The following ARK2C variants were observed in gnomAD, a reference collection of about 807,000 sequenced individuals.
ARK2C encodes arkadia (RNF111) C-terminal like ring finger ubiquitin ligase 2C.
At chr18:46,360,474 A>G in the ARK2C span, among the ~76,000 whole-genome samples, 1 of 152,174 alleles carries the variant, frequency 6.6e-6, no homozygotes, top group Non-Finnish European at 1.5e-5. Context: ...TGGAATTCCA[A>G]ACACCTCATT....
chr18:46,429,399 T>C, the ARK2C span, among the ~76,000 whole-genome samples: 3 of 152,222 alleles, frequency 2.0e-5, no homozygotes, highest in Non-Finnish European at 4.4e-5. Flanking sequence ...TTAACTCTTC[T>C]TCAGGCATTT....
chr18:46,336,258 A>G, the ARK2C span: 23 of 985,218 alleles, frequency 2.3e-5, no homozygotes, highest in African/African-American at 3.8e-4. Context: ...AATCATTACC[A>G]TCCTCATTAA....
chr18:46,334,301 C>G, the ARK2C span: 2,345 of 1,583,126 alleles, frequency 1.5e-3, 13 homozygotes, highest in African/African-American at 9.0e-3. The surrounding 1 kb of genome is among the most constrained non-coding windows in gnomAD (Gnocchi z 4.4). Flanking sequence ...TCGGCTATCT[C>G]GTGCTTCCAG....
the ARK2C span, among the ~76,000 whole-genome samples, chr18:46,426,215 G>A: frequency 7.2e-5 from 11 of 152,052 alleles, no homozygotes; most frequent in Admixed American, 2.0e-4. Context: ...CCTTCTGCCC[G>A]TCCACATTTG....
At chr18:46,373,795 A>G in the ARK2C span, among the ~76,000 whole-genome samples, 10 of 152,192 alleles carry the variant, frequency 6.6e-5, no homozygotes, top group African/African-American at 2.2e-4. Context: ...AGACAGGCTC[A>G]GTGCCTAGGC....
At chr18:46,354,128 A>T in the ARK2C span, among the ~76,000 whole-genome samples, 1 of 152,144 alleles carries the variant, frequency 6.6e-6, no homozygotes, top group African/African-American at 2.4e-5. Context: ...AAATTTATGA[A>T]TTGTTTCATT....
chr18:46,348,142 T>C, the ARK2C span, among the ~76,000 whole-genome samples: 2 of 147,724 alleles, frequency 1.4e-5, no homozygotes, highest in East Asian at 2.1e-4. Context: ...GGGAGGGCAA[T>C]GCCTGGGGGA....
At chr18:46,379,170 T>C in the ARK2C span, among the ~76,000 whole-genome samples, 701 of 152,290 alleles carry the variant, frequency 4.6e-3, 5 homozygotes, top group African/African-American at 0.015. Context: ...TATCCTGTCA[T>C]ACAAGAGTTG....
the ARK2C span, among the ~76,000 whole-genome samples, chr18:46,355,621 G>A: frequency 1.3e-5 from 2 of 152,174 alleles, no homozygotes; most frequent in African/African-American, 2.4e-5. Context: ...GGACCTCCAG[G>A]AATGCTGGCC....
At chr18:46,431,870 G>C in the ARK2C span, among the ~76,000 whole-genome samples, 5 of 152,228 alleles carry the variant, frequency 3.3e-5, no homozygotes, top group African/African-American at 1.2e-4. Flanking sequence ...GCATTGTGCA[G>C]CAAGACTTGT....
At chr18:46,364,358 A>T in the ARK2C span, among the ~76,000 whole-genome samples, 4 of 151,930 alleles carry the variant, frequency 2.6e-5, no homozygotes. Flanking sequence ...AATTCACAGA[A>T]GTTAACAACA....
At chr18:46,375,718 G>A in the ARK2C span, among the ~76,000 whole-genome samples, 1 of 152,090 alleles carries the variant, frequency 6.6e-6, no homozygotes, top group Non-Finnish European at 1.5e-5. Flanking sequence ...ATGTTAAGGT[G>A]AGACCCCATG....
the ARK2C span, among the ~76,000 whole-genome samples, chr18:46,346,149 A>C: frequency 6.6e-6 from 1 of 152,150 alleles, no homozygotes; most frequent in East Asian, 1.9e-4. Context: ...ATGGCATTTC[A>C]ACATGGTGGC....
chr18:46,428,207 A>G, the ARK2C span, among the ~76,000 whole-genome samples: 11 of 152,176 alleles, frequency 7.2e-5, no homozygotes, highest in African/African-American at 2.4e-4. Flanking sequence ...TCAGGAGATC[A>G]AGACCATTCT....
chr18:46,349,651 G>A, the ARK2C span, among the ~76,000 whole-genome samples: 1 of 152,164 alleles, frequency 6.6e-6, no homozygotes, highest in Non-Finnish European at 1.5e-5. Flanking sequence ...CTTGGCCACT[G>A]GGGGTGCTTG....
At chr18:46,407,362 G>A in the ARK2C span, among the ~76,000 whole-genome samples, 2 of 152,062 alleles carry the variant, frequency 1.3e-5, no homozygotes, top group Non-Finnish European at 2.9e-5. Flanking sequence ...GGATAGCATG[G>A]GGATTGGCCC....
chr18:46,375,818 A>G, the ARK2C span, among the ~76,000 whole-genome samples: 1 of 152,102 alleles, frequency 6.6e-6, no homozygotes, highest in Non-Finnish European at 1.5e-5. Flanking sequence ...CCTGGCAACC[A>G]TGGACTCTGC....
chr18:46,436,283 T>A, the ARK2C span, among the ~76,000 whole-genome samples: 2 of 152,128 alleles, frequency 1.3e-5, 1 homozygote, highest in South Asian at 4.2e-4. Context: ...TGTATGTGTG[T>A]GTGTGTGCGT....
chr18:46,355,085 G>A, the ARK2C span, among the ~76,000 whole-genome samples: 4 of 151,928 alleles, frequency 2.6e-5, no homozygotes, highest in Non-Finnish European at 4.4e-5. Flanking sequence ...GAGTAGCTAG[G>A]ACTACGGGAA....
Sources: allele counts gnomAD v4.1 joint callset (sites outside exome capture counted in the v4.1 genomes callset), GRCh38; gene constraint gnomAD v4.1.1; non-coding constraint Gnocchi (gnomAD v3.1); transcripts MANE v1.5; gene names NCBI Gene and HGNC (gene_info 2026-07-23, HGNC 2026-07-21).